Variants in GMDS observed in about 807,000 individuals in gnomAD.
GMDS encodes GDP-mannose 4,6-dehydratase.
GMDS carries 20 observed loss-of-function variants against 49.9 expected under a neutral mutation model. The observed-to-expected ratio is 0.40, with a 90% CI of 0.28 to 0.58. The LOEUF is 0.58. Ranked by LOEUF, GMDS falls within the 20% of genes least tolerant of loss-of-function variation. The pLI, the probability that GMDS is intolerant of heterozygous loss-of-function variation, is 0.42. For missense variants in GMDS, 362 were observed against 481.4 expected (o/e 0.75, Z 2.32); for synonymous variants, 177 against 178.6 (o/e 0.99, Z 0.07).
At chr6:2,229,194 C>T (rs1581830010) in intron 1 of GMDS, among the ~76,000 whole-genome samples, 4 of 152,304 alleles carry the variant, frequency 2.6e-5, no homozygotes, top group Admixed American at 2.6e-4. Context: ...TCCAGGATAA[C>T]AATGTTCTCA....
intron 8 of GMDS, among the ~76,000 whole-genome samples, 164 bp from the exon 9 acceptor site, chr6:1,726,676 C>G (rs1238385037): frequency 1.3e-5 from 2 of 152,214 alleles, no homozygotes; most frequent in African/African-American, 4.8e-5. Flanking sequence ...GCAACGGCGA[C>G]TTTCAAAGCC....
intron 7 of GMDS, among the ~76,000 whole-genome samples, chr6:1,929,646 T>C (rs565391593): frequency 4.3e-5 from 6 of 140,196 alleles, no homozygotes; most frequent in African/African-American, 1.5e-4. Context: ...ATAACCAGAC[T>C]CTTCAGCAGC....
intron 4 of GMDS, among the ~76,000 whole-genome samples, chr6:2,009,698 G>A (rs1179444714): frequency 1.3e-5 from 2 of 152,076 alleles, no homozygotes; most frequent in Non-Finnish European, 2.9e-5. Context: ...ATGAAAACTG[G>A]TAAAGATACT....
intron 9 of GMDS, among the ~76,000 whole-genome samples, chr6:1,703,304 G>C (rs1424991030): frequency 6.6e-6 from 1 of 152,130 alleles, no homozygotes; most frequent in African/African-American, 2.4e-5. Flanking sequence ...GAGAGCAGAT[G>C]TTTTAACTGA....
rs576034448 is a variant in GMDS, at chr6:2,128,415, T to C, written c.103-3684A>G. 5.5e-4 allele frequency among the ~76,000 whole-genome samples: 84 copies of C among 152,234 alleles called. 1 individual carries two copies. The East Asian group carries it at 0.015, about 27-fold the overall frequency. On this transcript the variant is annotated intron_variant, in intron 1 of 10. Coordinates refer to ENST00000380815, the MANE Select transcript of GMDS (RefSeq NM_001500.4). Reference sequence around the variant, plus strand: ...TTCTCAAACCCCTGACCTCAGGTGATCCACCTGCCTCAGCCTCTCAAAGTG... The same window carrying C: ...TTCTCAAACCCCTGACCTCAGGTGACCCACCTGCCTCAGCCTCTCAAAGTG...
chr6:1,841,498 C>A (rs1160480979), intron 7 of GMDS, among the ~76,000 whole-genome samples: 1 of 152,180 alleles, frequency 6.6e-6, no homozygotes, highest in Non-Finnish European at 1.5e-5. Context: ...TACTAAAGAT[C>A]CATGTCACTG....
In GMDS at chr6:2,115,877, A is replaced by T. The variant is rs1290746303; in HGVS notation, c.239T>A (p.Met80Lys). ...KNPQAHIEGNMKLHYGDLTDS... is the reference protein window; with the variant it reads ...KNPQAHIEGNKKLHYGDLTDS... ...AGTGAGATCGCCATAGTGCAACTTC[A>T]TGTCTTCAGGATACAAAAACATCCC... The change falls in exon 4 of 11, where the codon ATG (methionine) becomes AAG (lysine). Residue 80 changes from methionine (M) to lysine (K), a missense_variant. Coordinates refer to ENST00000380815, the MANE Select transcript of GMDS (RefSeq NM_001500.4). The T allele has an allele frequency of 6.4e-7, 1 of 1,553,892 alleles. No individual in the cohort carries two copies.
chr6:1,948,952 C>T (rs989741650), intron 6 of GMDS: 1 of 299,196 alleles, frequency 3.3e-6, no homozygotes, highest in Non-Finnish European at 4.9e-6. Context: ...TGGTTCAGGA[C>T]CATCTTCTGT....
intron 7 of GMDS, among the ~76,000 whole-genome samples, chr6:1,834,024 T>C (rs1397373513): frequency 2.0e-5 from 3 of 152,166 alleles, no homozygotes; most frequent in Non-Finnish European, 2.9e-5. Flanking sequence ...TAGGTTCTGG[T>C]TAAAATTTAC....
At chr6:2,092,343 T>C (rs1052627419) in intron 4 of GMDS, among the ~76,000 whole-genome samples, 1 of 152,072 alleles carries the variant, frequency 6.6e-6, no homozygotes, top group Non-Finnish European at 1.5e-5. Flanking sequence ...TACTCACACA[T>C]TGCCCTTTCT....
Position 2,141,078 on chromosome 6 carries a change from T to C in GMDS, c.103-16347A>G, listed in dbSNP as rs114991443. Among the ~76,000 whole-genome samples, 793 of 152,268 alleles carry C rather than the reference T, an allele frequency of 5.2e-3. 9 individuals are homozygous for C. Among genetic ancestry groups the C allele is most frequent in the African/African-American group, 0.018 (752 of 41,538 alleles). On this transcript the variant is annotated intron_variant, in intron 1 of 10. Transcript: ENST00000380815. ...AGCAATATTCAAATGGGAAACAAAA[T>C]AGCAGTACCTTCAAGTAAACGAAAG...
chr6:1,994,909 T>C (rs1271531230), intron 4 of GMDS, among the ~76,000 whole-genome samples: 4 of 152,042 alleles, frequency 2.6e-5, no homozygotes, highest in South Asian at 2.1e-4. Context: ...AAAATATCAA[T>C]AGCAGCTCTA....
chr6:1,898,535 A>G (rs895064311), intron 7 of GMDS, among the ~76,000 whole-genome samples: 6 of 152,104 alleles, frequency 3.9e-5, no homozygotes, highest in Admixed American at 3.9e-4. Context: ...TTTGGAGGGC[A>G]TTTACCAGTT....
At chr6:1,906,203 T>TATATGTATATAAGCCATCCTAC in intron 7 of GMDS, among the ~76,000 whole-genome samples, 1 of 152,220 alleles carries the variant, frequency 6.6e-6, no homozygotes, top group Non-Finnish European at 1.5e-5. Flanking sequence ...GGCATATGTA[T>TATATGTATATAAGCCATCCTAC]ATATGTATAT....
At chr6:1,962,707 C>T (rs951336202) in intron 4 of GMDS, among the ~76,000 whole-genome samples, 1 of 151,752 alleles carries the variant, frequency 6.6e-6, no homozygotes, top group Non-Finnish European at 1.5e-5. Context: ...TATTTGAATC[C>T]GTTAGCCATT....
At chr6:2,059,717 A>AAAAAAAAAAAAAAAAAAAC (rs1771022400) in intron 4 of GMDS, among the ~76,000 whole-genome samples, 1 of 138,380 alleles carries the variant, frequency 7.2e-6, no homozygotes. Flanking sequence ...CAAAAAAAAA[A>AAAAAAAAAAAAAAAAAAAC]AAAAAAAAAA....
At chr6:1,691,198 T>C (rs372782999) in intron 9 of GMDS, among the ~76,000 whole-genome samples, 18 of 152,292 alleles carry the variant, frequency 1.2e-4, no homozygotes, top group African/African-American at 4.1e-4. Context: ...AATGAGTTCA[T>C]GTCCTTTGCA....
intron 4 of GMDS, among the ~76,000 whole-genome samples, chr6:2,062,866 G>A (rs1771272900): frequency 6.6e-6 from 1 of 152,208 alleles, no homozygotes; most frequent in South Asian, 2.1e-4. Context: ...ATGTTTCTGA[G>A]CCTCAGTTCA....
intron 9 of GMDS, among the ~76,000 whole-genome samples, chr6:1,659,465 C>G: frequency 6.6e-6 from 1 of 152,046 alleles, no homozygotes; most frequent in Non-Finnish European, 1.5e-5. Flanking sequence ...CCAGTTACAG[C>G]CTGGGTACCT....
Sources: gnomAD v4.1 joint callset for allele counts (sites outside exome capture counted in the v4.1 genomes callset) on GRCh38, gnomAD v4.1.1 for gene constraint, MANE v1.5 for transcripts, NCBI Gene and HGNC (gene_info 2026-07-23, HGNC 2026-07-21) for gene names.